The following ZBTB7C variants were observed in gnomAD, a reference collection of about 807,000 sequenced individuals.
The protein encoded by ZBTB7C is zinc finger and BTB domain containing 7C.
A neutral mutation model predicts 25.7 loss-of-function variants in ZBTB7C; 8 were observed. That is an observed-to-expected ratio of 0.31 (90% CI 0.18 to 0.56). The LOEUF (loss-of-function observed/expected upper bound fraction) is 0.56. ZBTB7C is among the 20% of genes least tolerant of loss of function. ZBTB7C has a pLI of 0.91. For missense variants in ZBTB7C, 824 were observed against 855.2 expected, an observed-to-expected ratio of 0.96 and a Z score of 0.46; for synonymous variants, 394 against 369.0, an observed-to-expected ratio of 1.07 and a Z score of -0.78.
chr18:48,245,675 T>C (rs1052965255), intron 2 of ZBTB7C, among the ~76,000 whole-genome samples: 7 of 152,072 alleles, frequency 4.6e-5, no homozygotes, highest in African/African-American at 1.7e-4. Context: ...CAATTTTAGA[T>C]TCAGGAAACA....
chr18:48,224,043 C>G (rs17822296), intron 2 of ZBTB7C, among the ~76,000 whole-genome samples: 2 of 152,094 alleles, frequency 1.3e-5, no homozygotes, highest in Non-Finnish European at 2.9e-5. Flanking sequence ...AAAAGACTGA[C>G]GGAAGTCCCA....
At chr18:48,115,527 C>T (rs537911338) in intron 3 of ZBTB7C, among the ~76,000 whole-genome samples, 200 of 152,250 alleles carry the variant, frequency 1.3e-3, no homozygotes, top group Non-Finnish European at 2.1e-3. Flanking sequence ...CGTGAGCCAC[C>T]GTGCCCGGCC....
At chr18:48,264,924 G>C (rs1417778483) in intron 2 of ZBTB7C, among the ~76,000 whole-genome samples, 1 of 152,220 alleles carries the variant, frequency 6.6e-6, no homozygotes, top group East Asian at 1.9e-4. Flanking sequence ...CTGCAGATGA[G>C]AAAGTAAAAG....
Position 48,040,490 on chromosome 18 carries a change from G to A in ZBTB7C, c.618C>T (p.Asp206=), listed in dbSNP as rs766923687. 1 of 1,611,906 alleles carries A rather than the reference G, an allele frequency of 6.2e-7. No individual in the cohort carries two copies. The highest frequency in any genetic ancestry group is 8.5e-7 in the Non-Finnish European group (1 of 1,178,768). The change falls in exon 4 of 5, where the codon GAC becomes GAT. Residue 206 remains aspartate (D), a synonymous_variant. Coordinates refer to ENST00000590800, the MANE Select transcript of ZBTB7C (RefSeq NM_001318841.2). The part of the protein sequence containing the change: ...TEKAYSDTPR[D]FPDSFQAGSP... ...TGCCAGCCTGGAAGGAGTCAGGGAAGTCCCTGGGGGTGTCTGAATAGGCCT... is the reference window on the plus strand; with the variant it reads ...TGCCAGCCTGGAAGGAGTCAGGGAAATCCCTGGGGGTGTCTGAATAGGCCT...
At chr18:48,387,327 AGAG>A (rs994648618) in intron 1 of ZBTB7C, among the ~76,000 whole-genome samples, 4 of 152,318 alleles carry the variant, frequency 2.6e-5, no homozygotes, top group African/African-American at 9.6e-5. Flanking sequence ...GGTGGATTAG[AGAG>A]GAGGAGACCA....
chr18:48,191,773 CAG>C (rs1474072196), intron 2 of ZBTB7C, among the ~76,000 whole-genome samples: 26 of 152,200 alleles, frequency 1.7e-4, no homozygotes, highest in African/African-American at 6.3e-4. Context: ...GACAGGGAGG[CAG>C]CAGCTGCCCC....
rs973556262 is a variant in ZBTB7C at position 48,292,593 on chromosome 18, G to A, written c.-79+45581C>T. On this transcript the variant is annotated intron_variant, in intron 2 of 4. Coordinates refer to ENST00000590800, the MANE Select transcript of ZBTB7C (RefSeq NM_001318841.2). Reference sequence around the variant, plus strand: ...GAGATGCTGTCTATGCCTCATGCTCGTCTGCTGCAGGTAGCCAACCTGGGC... The same window carrying A: ...GAGATGCTGTCTATGCCTCATGCTCATCTGCTGCAGGTAGCCAACCTGGGC... 5.3e-5 allele frequency among the ~76,000 whole-genome samples: 8 copies of A among 152,300 alleles called. No homozygotes were observed. The East Asian group carries it at 5.8e-4, about 11-fold the overall frequency.
At chr18:48,097,373 A>ATTG (rs200278426) in intron 3 of ZBTB7C, among the ~76,000 whole-genome samples, 1,448 of 134,524 alleles carry the variant, frequency 0.011, 15 homozygotes, top group African/African-American at 0.027. Flanking sequence ...AACTTTTATT[A>ATTG]TTGTTGTTGT....
intron 1 of ZBTB7C, among the ~76,000 whole-genome samples, chr18:48,384,142 G>C (rs1194312946): frequency 6.6e-6 from 1 of 152,184 alleles, no homozygotes; most frequent in Non-Finnish European, 1.5e-5. Context: ...CAAAGGTGAA[G>C]GGAAGAAGGA....
intron 2 of ZBTB7C, among the ~76,000 whole-genome samples, chr18:48,255,026 C>A (rs983112267): frequency 6.6e-6 from 1 of 152,104 alleles, no homozygotes. Flanking sequence ...CTAGTCCCAC[C>A]GAACAAATCT....
intron 3 of ZBTB7C, among the ~76,000 whole-genome samples, chr18:48,070,369 G>A (rs1260976936): frequency 6.6e-6 from 1 of 152,162 alleles, no homozygotes; most frequent in African/African-American, 2.4e-5. Flanking sequence ...CTGGTCTCTG[G>A]CCTTCAGCTG....
intron 2 of ZBTB7C, among the ~76,000 whole-genome samples, chr18:48,286,858 C>A (rs1189874944): frequency 6.6e-6 from 1 of 152,072 alleles, no homozygotes; most frequent in African/African-American, 2.4e-5. Flanking sequence ...TTGAGACCAG[C>A]CTGGGCAACA....
At chr18:48,101,728 G>T (rs957652138) in intron 3 of ZBTB7C, among the ~76,000 whole-genome samples, 7 of 152,222 alleles carry the variant, frequency 4.6e-5, no homozygotes, top group Admixed American at 4.6e-4. Flanking sequence ...TGCAGAGCTT[G>T]TAAGTGTTAC....
intron 3 of ZBTB7C, among the ~76,000 whole-genome samples, chr18:48,160,490 C>T (rs546733219): frequency 2.0e-5 from 3 of 152,272 alleles, no homozygotes; most frequent in Admixed American, 6.5e-5. Context: ...GGTCATCTCC[C>T]GCTCTGGGTC....
At chr18:48,083,759 G>A (rs1027715522) in intron 3 of ZBTB7C, 1 of 895,416 alleles carries the variant, frequency 1.1e-6, no homozygotes, top group African/African-American at 1.8e-5. Context: ...TCCCCTGACT[G>A]TAAATGGTGG....
At chr18:48,079,370 G>A (rs4940237) in intron 3 of ZBTB7C, among the ~76,000 whole-genome samples, 77,486 of 152,058 alleles carry the variant, frequency 0.51, 21,661 homozygotes, top group African/African-American at 0.75. Flanking sequence ...TAAAACATTT[G>A]TGCCCAATTT....
At chr18:48,206,834 C>T (rs1047790073) in intron 2 of ZBTB7C, among the ~76,000 whole-genome samples, 2 of 152,086 alleles carry the variant, frequency 1.3e-5, no homozygotes, top group African/African-American at 4.8e-5. Flanking sequence ...ACAGAAAAAG[C>T]ACTGACCAGA....
chr18:48,227,137 A>T (rs532825607), intron 2 of ZBTB7C, among the ~76,000 whole-genome samples: 1 of 152,194 alleles, frequency 6.6e-6, no homozygotes, highest in East Asian at 1.9e-4. Flanking sequence ...TCAAGCCCCA[A>T]GGAGAGCCAG....
intron 2 of ZBTB7C, among the ~76,000 whole-genome samples, chr18:48,265,593 T>C (rs1166149722): frequency 6.6e-6 from 1 of 152,114 alleles, no homozygotes; most frequent in Non-Finnish European, 1.5e-5. Context: ...CAGAGTGCAA[T>C]AAAAGAGCCC....
Sources: allele counts gnomAD v4.1 joint callset (sites outside exome capture counted in the v4.1 genomes callset), GRCh38; gene constraint gnomAD v4.1.1; transcripts MANE v1.5; gene names NCBI Gene and HGNC (gene_info 2026-07-23, HGNC 2026-07-21).